The following RORA variants were observed in gnomAD, a reference collection of about 807,000 sequenced individuals.
RORA encodes the protein RAR related orphan receptor A.
In RORA, 7 loss-of-function variants were observed where a neutral mutation model predicts 69.5. The observed-to-expected ratio is 0.10, with a 90% CI of 0.06 to 0.19. RORA has a LOEUF of 0.19. Ranked by LOEUF, RORA falls within the 10% of genes least tolerant of loss-of-function variation. RORA has a pLI of 1.00. For synonymous variants in RORA, 261 were observed against 240.8 expected, an observed-to-expected ratio of 1.08 and a Z score of -0.78; for missense variants, 457 against 663.0, an observed-to-expected ratio of 0.69 and a Z score of 3.41.
chr15:61,102,574 T>C (rs2078895092), intron 1 of RORA, among the ~76,000 whole-genome samples: 1 of 152,218 alleles, frequency 6.6e-6, no homozygotes, highest in South Asian at 2.1e-4. Context: ...TGGCCCCTAC[T>C]GTCAAAAGCA....
At chr15:61,150,738 T>C (rs12913612) in intron 1 of RORA, among the ~76,000 whole-genome samples, 75,107 of 151,922 alleles carry the variant, frequency 0.49, 19,818 homozygotes, top group Non-Finnish European at 0.6. Flanking sequence ...CATCAAAACA[T>C]ATGGAAAGCA....
intron 1 of RORA, among the ~76,000 whole-genome samples, chr15:61,107,780 T>A (rs749008212): frequency 6.6e-6 from 1 of 151,934 alleles, no homozygotes; most frequent in Non-Finnish European, 1.5e-5. Flanking sequence ...GATGGTTTCC[T>A]CTCCCTTATT....
chr15:60,673,918 G>T (rs2070512557), intron 2 of RORA, among the ~76,000 whole-genome samples: 2 of 152,220 alleles, frequency 1.3e-5, no homozygotes, highest in African/African-American at 4.8e-5. Flanking sequence ...CTTGCTGTCT[G>T]AGATAGCTGG....
intron 1 of RORA, among the ~76,000 whole-genome samples, chr15:61,065,288 T>A (rs1030069486): frequency 6.6e-6 from 1 of 152,204 alleles, no homozygotes. Context: ...GGGGGCCATA[T>A]CTGTATCATC....
chr15:60,718,070 A>G (rs550464340), intron 1 of RORA, among the ~76,000 whole-genome samples: 3 of 152,298 alleles, frequency 2.0e-5, no homozygotes, highest in East Asian at 1.9e-4. Flanking sequence ...CTGGGATTAC[A>G]GGCACATTGC....
At chr15:61,041,229 A>G (rs1248795677) in intron 1 of RORA, 2 of 152,246 alleles carry the variant, frequency 1.3e-5, no homozygotes, top group Non-Finnish European at 2.9e-5. Flanking sequence ...CAGATGACAG[A>G]GGTAACCCTT....
rs3053884 is a variant in RORA at position 60,858,692 on chromosome 15, TACAC to T, written c.167-180010_167-180007del. Among the ~76,000 whole-genome samples the T allele has an allele frequency of 7.5e-4, 107 of 142,904 alleles. No homozygotes were observed. In the East Asian group the frequency reaches 7.7e-3, roughly 10 times the overall value. 93.8% of individuals were successfully genotyped at this position (142,904 alleles called of 152,430 possible). A position where few individuals can be genotyped will look rare whatever the true frequency, so the allele number is the denominator to read the frequency against. On this transcript the variant is annotated intron_variant, in intron 1 of 10. Coordinates refer to ENST00000335670, the MANE Select transcript of RORA (RefSeq NM_134261.3). The stretch of plus-strand genomic sequence containing the variant: ...TCAGATTCATTAAAAAGAAAGAAAA[TACAC>T]ACACACACACACACACACACACACA...
chr15:60,577,265 C>A (rs572475948), intron 2 of RORA, among the ~76,000 whole-genome samples: 1 of 152,202 alleles, frequency 6.6e-6, no homozygotes, highest in East Asian at 1.9e-4. Flanking sequence ...CTTTGTCATA[C>A]AATTTTCAGA....
chr15:60,738,984 G>A lies in RORA; in HGVS notation c.167-60298C>T, dbSNP rs140852914. ...TTTTATAAGGACACCAGTCATGTCC[G>A]ATTAGGGGCCCACCCTACTCCATGA... is the stretch of plus-strand genomic sequence containing the variant. On this transcript the variant is annotated intron_variant, in intron 1 of 10. Transcript: ENST00000335670. 1.7e-3 allele frequency among the ~76,000 whole-genome samples: 259 copies of A among 152,314 alleles called. 1 individual carries two copies. Among genetic ancestry groups the A allele is most frequent in the African/African-American group, 6.1e-3 (254 of 41,578 alleles).
intron 2 of RORA, among the ~76,000 whole-genome samples, chr15:60,668,695 G>C (rs911390149): frequency 6.6e-6 from 1 of 152,130 alleles, no homozygotes; most frequent in Admixed American, 6.5e-5. Flanking sequence ...TGAATTTTCA[G>C]TTTTGTCGAC....
chr15:60,988,503 T>A (rs889688616), intron 1 of RORA, among the ~76,000 whole-genome samples: 5 of 152,176 alleles, frequency 3.3e-5, no homozygotes, highest in Admixed American at 6.5e-5. Flanking sequence ...TCCGCCTCCA[T>A]TGGAAAGAAT....
intron 1 of RORA, among the ~76,000 whole-genome samples, chr15:60,736,376 G>T (rs568500948): frequency 6.6e-6 from 1 of 152,258 alleles, no homozygotes; most frequent in South Asian, 2.1e-4. Context: ...CTTCCAACTA[G>T]CAATAATCAG....
intron 1 of RORA, among the ~76,000 whole-genome samples, chr15:61,056,153 C>A (rs545638363): frequency 1.3e-5 from 2 of 152,102 alleles, no homozygotes; most frequent in South Asian, 4.1e-4. Flanking sequence ...AAATAAGAAA[C>A]CAGGAAATGA....
intron 3 of RORA, among the ~76,000 whole-genome samples, chr15:60,522,760 C>T (rs1308543843): frequency 7.3e-6 from 1 of 136,084 alleles, no homozygotes; most frequent in Non-Finnish European, 1.6e-5. Flanking sequence ...CAGAGTGAGA[C>T]CCTGTGTCTT....
intron 1 of RORA, among the ~76,000 whole-genome samples, chr15:60,740,019 A>ACCTCTCTTCTCCTCACCTGACT (rs1235026652): frequency 1.3e-5 from 2 of 151,976 alleles, no homozygotes; most frequent in African/African-American, 4.8e-5. Flanking sequence ...CTGGACACCA[A>ACCTCTCTTCTCCTCACCTGACT]CCTCTCTTCT....
chr15:61,138,743 A>C (rs1056110430), intron 1 of RORA, among the ~76,000 whole-genome samples: 1 of 152,178 alleles, frequency 6.6e-6, no homozygotes, highest in Non-Finnish European at 1.5e-5. Flanking sequence ...GAGGGGGAAA[A>C]AAAGCCATTC....
chr15:60,712,255 A>C (rs574610003), intron 1 of RORA, among the ~76,000 whole-genome samples: 1 of 152,214 alleles, frequency 6.6e-6, no homozygotes, highest in East Asian at 1.9e-4. Flanking sequence ...ATTTTTAAAA[A>C]AGTTGAAGTA....
intron 3 of RORA, chr15:60,520,378 T>A (rs546167351): frequency 1.3e-5 from 2 of 151,838 alleles, no homozygotes; most frequent in South Asian, 4.1e-4. Flanking sequence ...CTTTTTCTTT[T>A]TAAAAACCTC....
chr15:60,640,690 G>A (rs747150517), intron 2 of RORA, among the ~76,000 whole-genome samples: 8 of 151,704 alleles, frequency 5.3e-5, no homozygotes, highest in South Asian at 4.2e-4. Context: ...TATTTCTACC[G>A]CAGGGCCTTT....
Sources: gnomAD v4.1 joint callset for allele counts (sites outside exome capture counted in the v4.1 genomes callset) on GRCh38, gnomAD v4.1.1 for gene constraint, MANE v1.5 for transcripts, NCBI Gene and HGNC (gene_info 2026-07-23, HGNC 2026-07-21) for gene names.